Variants in WWTR1 observed in about 807,000 individuals in gnomAD.
The protein encoded by WWTR1 is WW domain-containing transcription regulator protein 1.
In WWTR1, 13 loss-of-function variants were observed where a neutral mutation model predicts 40.1. The observed-to-expected ratio is 0.32, with a 90% CI of 0.21 to 0.52. The LOEUF is 0.52. WWTR1 is among the 20% of genes least tolerant of loss of function. WWTR1 has a pLI of 0.97. For synonymous variants in WWTR1, 230 were observed against 210.1 expected (o/e 1.09, Z -0.82); for missense variants, 436 against 523.1 (o/e 0.83, Z 1.63).
At chr3:149,561,348 AATCTAGTTTGTAGCT>A (rs777769849) in intron 3 of WWTR1, among the ~76,000 whole-genome samples, 7 of 152,178 alleles carry the variant, frequency 4.6e-5, no homozygotes, top group Non-Finnish European at 1.0e-4. Flanking sequence ...ACATACTGAG[AATCTAGTTTGTAGCT>A]ATCAGAATAG....
At position 149,528,441 on chromosome 3, in the gene WWTR1, G is replaced by T. The variant is rs970699825; in HGVS notation, c.772-472C>A. 3.9e-5 allele frequency among the ~76,000 whole-genome samples: 6 copies of T among 152,134 alleles called. No homozygotes were observed. In the East Asian group the frequency reaches 1.2e-3, roughly 29 times the overall value. On this transcript the variant is annotated intron_variant, in intron 4 of 6. Coordinates refer to ENST00000360632, the MANE Select transcript of WWTR1 (RefSeq NM_015472.6). The stretch of plus-strand genomic sequence containing the variant: ...CAGGCTCTACATTAAATTGCATCTG[G>T]CAGTTTTATGTTTACAGACAGGAAA...
chr3:149,551,096 G>A (rs1252541863), intron 3 of WWTR1, among the ~76,000 whole-genome samples: 1 of 144,252 alleles, frequency 6.9e-6, no homozygotes, highest in Non-Finnish European at 1.5e-5. Flanking sequence ...TCGGGAGTTT[G>A]AGACCAGCCT....
chr3:149,691,788 G>C (rs770431600), intron 1 of WWTR1, among the ~76,000 whole-genome samples: 8 of 152,014 alleles, frequency 5.3e-5, no homozygotes, highest in Non-Finnish European at 1.0e-4. Context: ...AGGCCGAGGT[G>C]GGTGGATCAC....
intron 4 of WWTR1, among the ~76,000 whole-genome samples, chr3:149,717,938 GTAT>G (rs913737151): frequency 2.0e-5 from 3 of 151,504 alleles, no homozygotes; most frequent in Non-Finnish European, 4.4e-5. Flanking sequence ...AATAAAACAG[GTAT>G]TATTATTATT....
chr3:149,691,769 C>T (rs1714833682), intron 1 of WWTR1, among the ~76,000 whole-genome samples: 1 of 152,150 alleles, frequency 6.6e-6, no homozygotes, highest in South Asian at 2.1e-4. Context: ...GTAATCCCAG[C>T]ACTTTGGGAG....
intron 2 of WWTR1, among the ~76,000 whole-genome samples, chr3:149,625,100 C>CTTTTTT (rs759849000): frequency 1.0e-5 from 1 of 96,378 alleles, no homozygotes; most frequent in African/African-American, 3.8e-5. Flanking sequence ...CAACTCTACC[C>CTTTTTT]TTTTTTTTTT....
intron 1 of WWTR1, among the ~76,000 whole-genome samples, chr3:149,698,502 G>A (rs893385201): frequency 6.6e-6 from 1 of 152,186 alleles, no homozygotes; most frequent in Non-Finnish European, 1.5e-5. Flanking sequence ...AGCAGTGTGA[G>A]AACAGACTAA....
chr3:149,662,808 A>G (rs1713642483), upstream of WWTR1, among the ~76,000 whole-genome samples: 1 of 152,214 alleles, frequency 6.6e-6, no homozygotes, highest in East Asian at 1.9e-4. Context: ...TACATGATCC[A>G]GTAATAAAGT....
chr3:149,590,286 C>A (rs1439565012), intron 2 of WWTR1, among the ~76,000 whole-genome samples: 2 of 152,056 alleles, frequency 1.3e-5, no homozygotes, highest in Non-Finnish European at 2.9e-5. Context: ...CATTTATATA[C>A]CATTTTATGG....
In WWTR1 at chr3:149,573,121, T is replaced by C. The variant is rs2107998529; in HGVS notation, c.432-121A>G. The stretch of plus-strand genomic sequence containing the variant: ...CCTTAGGATCTGCTTGAGTGGTTGA[T>C]AGATTGTGCTTGGTTTCATCCAAGG... On this transcript the variant is annotated intron_variant, in intron 2 of 6. Transcript: ENST00000360632. 5.4e-6 allele frequency: 6 copies of C among 1,112,154 alleles called. No homozygotes were observed. The East Asian group carries it at 7.6e-5, about 14-fold the overall frequency. 68.9% of individuals were successfully genotyped at this position (1,112,154 alleles called of 1,614,324 possible).
chr3:149,694,237 C>CA (rs925659896), intron 1 of WWTR1, among the ~76,000 whole-genome samples: 1 of 151,974 alleles, frequency 6.6e-6, no homozygotes, highest in African/African-American at 2.4e-5. Flanking sequence ...ACTAAAAATA[C>CA]AAAAAAATTA....
In WWTR1 at chr3:149,580,841, A is replaced by G. The variant is rs571255570; in HGVS notation, c.432-7841T>C. 2.0e-5 allele frequency among the ~76,000 whole-genome samples: 3 copies of G among 151,944 alleles called. No individual in the cohort carries two copies. In the South Asian group the frequency reaches 6.2e-4, roughly 32 times the overall value. On this transcript the variant is annotated intron_variant, in intron 2 of 6. Transcript: ENST00000360632. ...TTGGCCAGGCTGATCTAAACTCTTG[A>G]CCTCAGGCCATCCACCCGCCTCAGG...
intron 4 of WWTR1, among the ~76,000 whole-genome samples, chr3:149,531,028 G>A (rs1272804474): frequency 4.6e-5 from 7 of 151,718 alleles, no homozygotes; most frequent in Non-Finnish European, 8.8e-5. Context: ...TTCACCTACC[G>A]GGTTCAAGCA....
At chr3:149,645,816 C>A (rs549802034) in intron 2 of WWTR1, among the ~76,000 whole-genome samples, 35 of 152,116 alleles carry the variant, frequency 2.3e-4, no homozygotes, top group African/African-American at 8.2e-4. Flanking sequence ...AAATAAACAA[C>A]CTAGCATGTG....
chr3:149,624,178 CA>C (rs1366809406), intron 2 of WWTR1, among the ~76,000 whole-genome samples: 1 of 152,120 alleles, frequency 6.6e-6, no homozygotes, highest in Non-Finnish European at 1.5e-5. Context: ...GTCAAATGAA[CA>C]GATACTGGCA....
At chr3:149,668,062 A>G (rs1183380373) in intron 2 of WWTR1, among the ~76,000 whole-genome samples, 1 of 152,196 alleles carries the variant, frequency 6.6e-6, no homozygotes, top group Non-Finnish European at 1.5e-5. Flanking sequence ...ACTAGAGATG[A>G]TAATAATTCA....
intron 1 of WWTR1, among the ~76,000 whole-genome samples, chr3:149,692,007 C>T (rs559997169): frequency 1.4e-4 from 22 of 151,784 alleles, no homozygotes; most frequent in African/African-American, 4.6e-4. Flanking sequence ...CAGAGCGAGA[C>T]TCCGTCTCAA....
At chr3:149,597,511 A>G (rs1301712176) in intron 2 of WWTR1, among the ~76,000 whole-genome samples, 1 of 151,910 alleles carries the variant, frequency 6.6e-6, no homozygotes, top group Non-Finnish European at 1.5e-5. Context: ...TAGGCGTGGC[A>G]GCGCACACCT....
chr3:149,698,072 T>G (rs1715048690), intron 1 of WWTR1, among the ~76,000 whole-genome samples: 1 of 152,140 alleles, frequency 6.6e-6, no homozygotes, highest in Non-Finnish European at 1.5e-5. Context: ...CAGGTTGGAG[T>G]TGAGTACTTG....
Sources: gnomAD v4.1 joint callset for allele counts (sites outside exome capture counted in the v4.1 genomes callset) on GRCh38, gnomAD v4.1.1 for gene constraint, MANE v1.5 for transcripts, NCBI Gene and HGNC (gene_info 2026-07-23, HGNC 2026-07-21) for gene names.